Variants in POF1B observed in about 807,000 individuals in gnomAD.
The protein encoded by POF1B is protein POF1B.
Under a neutral mutation model 55.3 loss-of-function variants are expected in POF1B, and 53 were observed. The observed-to-expected ratio is 0.96, with a 90% CI of 0.77 to 1.20. The LOEUF is 1.20. Ranked by LOEUF, POF1B falls within the 50% of genes most tolerant of loss-of-function variation. The probability of loss-of-function intolerance (pLI) is 0.00; values close to 1 mark genes in which losing one functional copy is unlikely to be tolerated. For missense variants in POF1B, 478 were observed against 420.5 expected (o/e 1.14, Z -1.20); for synonymous variants, 188 against 148.3 (o/e 1.27, Z -1.95).
intron 3 of POF1B, among the ~76,000 whole-genome samples, chrX:85,364,055 A>G (rs1300654989): frequency 1.8e-5 from 2 of 111,790 alleles, no homozygotes; most frequent in African/African-American, 6.5e-5. Context: ...GTCTGAAATT[A>G]TAATTGCAAC....
chrX:85,357,851 T>C (rs1933533234), intron 4 of POF1B, among the ~76,000 whole-genome samples: 4 of 111,239 alleles, frequency 3.6e-5, no homozygotes, highest in African/African-American at 1.3e-4. Flanking sequence ...TTTCTTTGAG[T>C]CGTTTTTTAA....
chrX:85,331,630 T>G (rs768569164), intron 6 of POF1B, among the ~76,000 whole-genome samples: 2 of 110,345 alleles, frequency 1.8e-5, no homozygotes, highest in African/African-American at 6.6e-5. Flanking sequence ...AAATATAGAG[T>G]AAATTTCTGT....
At chrX:85,325,031 T>C (rs1470270187) in intron 7 of POF1B, among the ~76,000 whole-genome samples, 1 of 112,163 alleles carries the variant, frequency 8.9e-6, no homozygotes, top group Non-Finnish European at 1.9e-5. Flanking sequence ...CATTCTCTTT[T>C]GGCTTGTAGG....
At chrX:85,370,991 AG>A in intron 2 of POF1B, among the ~76,000 whole-genome samples, 1 of 111,944 alleles carries the variant, frequency 8.9e-6, no homozygotes, top group East Asian at 2.8e-4. Flanking sequence ...TTTGTGCCAC[AG>A]CCCCACATTC....
chrX:85,344,070 A>G (rs1344662279), intron 6 of POF1B, among the ~76,000 whole-genome samples: 2 of 111,218 alleles, frequency 1.8e-5, no homozygotes, highest in African/African-American at 3.3e-5. Context: ...GTATTTTCCT[A>G]CTCAGCAACC....
In POF1B at chrX:85,303,495, A is replaced by G. The variant is rs1340812236; in HGVS notation, c.1567-7T>C. 1.9e-6 allele frequency: 2 copies of G among 1,057,366 alleles called. No homozygotes were observed. Among genetic ancestry groups the G allele is most frequent in the Admixed American group, 4.7e-5 (2 of 42,790 alleles). The allele number at this position is 1,057,366 out of a possible 1,213,427, so 87.1% of individuals were successfully genotyped here. A position where few individuals can be genotyped will look rare whatever the true frequency, so the allele number is the denominator to read the frequency against. On this transcript the variant is annotated splice_polypyrimidine_tract_variant and splice_region_variant and intron_variant, in intron 14 of 16. Coordinates refer to ENST00000262753, the MANE Select transcript of POF1B (RefSeq NM_024921.4). ...GCCGCAACTTGGAGAGTTCCTTACA[A>G]ATAAAAGATAATATAATCATTTGAT...
In POF1B at chrX:85,303,454, G is replaced by C. The variant is rs1337668821; in HGVS notation, c.1601C>G (p.Ser534Cys). 8.4e-7 allele frequency: 1 copy of C among 1,192,028 alleles called. No individual in the cohort carries two copies. The highest frequency in any genetic ancestry group is 1.1e-6 in the Non-Finnish European group (1 of 881,823). The change falls in exon 15 of 17, where the codon TCT becomes TGT. Residue 534 changes from serine (S) to cysteine (C), a missense_variant. By Grantham distance (112) the Ser-to-Cys change is moderately radical. Transcript: ENST00000262753. ...LSKLRQEIYS[S>C]HNQPSTGGRT... ...TCCACCAGTGGAGGGTTGGTTATGA[G>C]AGGAATATATTTCTTGCCGCAACTT...
At chrX:85,349,030 T>G (rs1933327275) in intron 5 of POF1B, among the ~76,000 whole-genome samples, 1 of 111,294 alleles carries the variant, frequency 9.0e-6, no homozygotes, top group African/African-American at 3.3e-5. Context: ...ATAGGTACAT[T>G]TCATGAAATT....
chrX:85,291,051 G>A (rs184413827), intron 15 of POF1B, among the ~76,000 whole-genome samples: 299 of 111,744 alleles, frequency 2.7e-3, no homozygotes, highest in Non-Finnish European at 4.6e-3. Context: ...TGTCTTCCAG[G>A]AATTTTATAC....
chrX:85,315,934 A>T (rs1223630160), intron 7 of POF1B, among the ~76,000 whole-genome samples, 200 bp from the exon 8 acceptor site: 1 of 111,496 alleles, frequency 9.0e-6, no homozygotes, highest in East Asian at 2.8e-4. Flanking sequence ...GGAATTAGCA[A>T]ATCTATTAAA....
intron 5 of POF1B, among the ~76,000 whole-genome samples, chrX:85,349,017 G>A (rs1412880775): frequency 9.0e-6 from 1 of 111,221 alleles, no homozygotes; most frequent in Non-Finnish European, 1.9e-5. Context: ...CACTCCTTGA[G>A]GAATAGGTAC....
intron 9 of POF1B, among the ~76,000 whole-genome samples, chrX:85,309,482 A>G (rs1185140603): frequency 8.9e-6 from 1 of 111,763 alleles, no homozygotes; most frequent in Non-Finnish European, 1.9e-5. Flanking sequence ...GTGAAAAGAG[A>G]AATGATTGGT....
intron 2 of POF1B, among the ~76,000 whole-genome samples, chrX:85,373,401 T>C (rs1388016148): frequency 8.9e-6 from 1 of 112,009 alleles, no homozygotes; most frequent in Non-Finnish European, 1.9e-5. Context: ...ATTTGTACAA[T>C]AAACATAATA....
intron 15 of POF1B, among the ~76,000 whole-genome samples, chrX:85,284,038 C>G (rs1042055037): frequency 2.7e-5 from 3 of 110,783 alleles, no homozygotes; most frequent in East Asian, 5.7e-4. Context: ...AGCCAAATCA[C>G]GAGTGAACTC....
At chrX:85,310,088 G>C (rs1270539155) in intron 9 of POF1B, among the ~76,000 whole-genome samples, 2 of 111,831 alleles carry the variant, frequency 1.8e-5, no homozygotes, top group Non-Finnish European at 3.8e-5. Flanking sequence ...TCCCATCCAA[G>C]TACTAGCCAG....
intron 6 of POF1B, among the ~76,000 whole-genome samples, chrX:85,345,132 T>C (rs745346086): frequency 1.8e-5 from 2 of 111,146 alleles, no homozygotes; most frequent in East Asian, 5.7e-4. Flanking sequence ...ATGAAAGAGG[T>C]CAATTGGAGA....
intron 5 of POF1B, among the ~76,000 whole-genome samples, chrX:85,347,805 C>T (rs777428329): frequency 9.0e-6 from 1 of 111,031 alleles, no homozygotes; most frequent in Admixed American, 9.6e-5. Context: ...CATACACTAG[C>T]ACTAAAATCT....
intron 2 of POF1B, among the ~76,000 whole-genome samples, chrX:85,370,008 C>A (rs1488048306): frequency 9.0e-6 from 1 of 111,617 alleles, no homozygotes; most frequent in Non-Finnish European, 1.9e-5. Flanking sequence ...GTAACCAATT[C>A]AAATATGATG....
At chrX:85,336,563 G>T (rs1402083335) in intron 6 of POF1B, among the ~76,000 whole-genome samples, 1 of 111,268 alleles carries the variant, frequency 9.0e-6, no homozygotes, top group African/African-American at 3.3e-5. Context: ...GATCAATGAT[G>T]TTGAGCACAT....
Sources: allele counts gnomAD v4.1 joint callset (sites outside exome capture counted in the v4.1 genomes callset), GRCh38; gene constraint gnomAD v4.1.1; transcripts MANE v1.5; gene names NCBI Gene and HGNC (gene_info 2026-07-23, HGNC 2026-07-21).